Variants in JAKMIP2 observed in about 807,000 individuals in gnomAD.
The protein encoded by JAKMIP2 is janus kinase and microtubule interacting protein 2, also known as janus kinase and microtubule-interacting protein 2.
JAKMIP2 carries 25 observed loss-of-function variants against 115.0 expected under a neutral mutation model. The observed-to-expected ratio is 0.22, with a 90% CI of 0.16 to 0.30. The LOEUF is 0.30. JAKMIP2 is among the 10% of genes least tolerant of loss of function. The pLI is 1.00. For synonymous variants in JAKMIP2, 334 were observed against 343.6 expected (o/e 0.97, Z 0.31); for missense variants, 642 against 957.6 (o/e 0.67, Z 4.35).
At position 147,721,506 on chromosome 5, in the gene JAKMIP2, G is replaced by A. The variant is rs1290778085; in HGVS notation, c.-148-49552C>T. ...CTGTGCTAGCAATCAGCGAGACTCCGTGGGCGTAGGACCCTCCGAGCCAGG... is the reference window on the plus strand; with the variant it reads ...CTGTGCTAGCAATCAGCGAGACTCCATGGGCGTAGGACCCTCCGAGCCAGG... On this transcript the variant is annotated intron_variant, in intron 1 of 21. Coordinates refer to ENST00000616793, the MANE Select transcript of JAKMIP2 (RefSeq NM_001270941.2). Among the ~76,000 whole-genome samples the A allele has an allele frequency of 1.2e-4, 18 of 152,254 alleles. 1 individual carries two copies. The highest frequency in any genetic ancestry group is 5.9e-4 in the Admixed American group (9 of 15,294).
At chr5:147,776,498 C>T (rs1006089940) in intron 1 of JAKMIP2, among the ~76,000 whole-genome samples, 5 of 152,200 alleles carry the variant, frequency 3.3e-5, no homozygotes, top group African/African-American at 1.2e-4. Flanking sequence ...TCAATTAAAC[C>T]TCTTTCCTTT....
chr5:147,612,291 G>A lies in JAKMIP2; in HGVS notation c.2412+15C>T, dbSNP rs750605806. 1.4e-6 allele frequency: 2 copies of A among 1,457,566 alleles called. No homozygotes were observed. Among genetic ancestry groups the A allele is most frequent in the South Asian group, 2.3e-5 (2 of 86,644 alleles). The allele number at this position is 1,457,566 out of a possible 1,614,324, so 90.3% of individuals were successfully genotyped here. The stretch of plus-strand genomic sequence containing the variant: ...TTAAACAAATAATAAGATAGTTATT[G>A]AATTTGACACCTACCTTTTCTTCTA... On this transcript the variant is annotated intron_variant, in intron 20 of 21. Coordinates refer to ENST00000616793, the MANE Select transcript of JAKMIP2 (RefSeq NM_001270941.2).
At position 147,745,413 on chromosome 5, in the gene JAKMIP2, T is replaced by C. The variant is rs139486508; in HGVS notation, c.-149+37043A>G. Among the ~76,000 whole-genome samples, 20 of 152,312 alleles carry C rather than the reference T, an allele frequency of 1.3e-4. No homozygotes were observed. In the East Asian group the frequency reaches 3.9e-3, roughly 29 times the overall value. ...ACAGAGAATGCCAACAGTAACAAAATCTTGACTTGCTATCTCTGTATCATC... is the reference window on the plus strand; with the variant it reads ...ACAGAGAATGCCAACAGTAACAAAACCTTGACTTGCTATCTCTGTATCATC... On this transcript the variant is annotated intron_variant, in intron 1 of 21. Coordinates refer to ENST00000616793, the MANE Select transcript of JAKMIP2 (RefSeq NM_001270941.2).
chr5:147,672,030 T>C (rs1011134036), intron 1 of JAKMIP2, 76 bp from the exon 2 acceptor site: 7 of 1,078,292 alleles, frequency 6.5e-6, no homozygotes, highest in Non-Finnish European at 8.1e-6. Flanking sequence ...ACTCTCAGCC[T>C]GAGTTACCTG....
At chr5:147,717,675 GT>G (rs1753068317) in intron 1 of JAKMIP2, among the ~76,000 whole-genome samples, 1 of 151,194 alleles carries the variant, frequency 6.6e-6, no homozygotes, top group Non-Finnish European at 1.5e-5. Flanking sequence ...AAGAATGCTT[GT>G]GATTTTTGTA....
intron 2 of JAKMIP2, among the ~76,000 whole-genome samples, chr5:147,666,419 T>C (rs926950405): frequency 8.5e-5 from 13 of 152,218 alleles, no homozygotes; most frequent in African/African-American, 2.7e-4. Flanking sequence ...TTTTGATACA[T>C]GGAGATGTTT....
intron 1 of JAKMIP2, among the ~76,000 whole-genome samples, chr5:147,751,553 C>G (rs1245864615): frequency 7.9e-6 from 1 of 127,022 alleles, no homozygotes; most frequent in Non-Finnish European, 1.6e-5. Context: ...TGTAAAGTGT[C>G]TTTATTAGGA....
At chr5:147,737,279 A>G (rs865923200) in intron 1 of JAKMIP2, among the ~76,000 whole-genome samples, 1 of 152,226 alleles carries the variant, frequency 6.6e-6, no homozygotes, top group Middle Eastern at 3.2e-3. Flanking sequence ...ATAAATCAAG[A>G]CTATAAATAA....
At chr5:147,707,479 C>G (rs577129705) in intron 1 of JAKMIP2, among the ~76,000 whole-genome samples, 2 of 152,236 alleles carry the variant, frequency 1.3e-5, no homozygotes, top group South Asian at 4.2e-4. Flanking sequence ...ACACCACACT[C>G]TGGGAAATAC....
intron 1 of JAKMIP2, among the ~76,000 whole-genome samples, chr5:147,694,727 A>T (rs1258739173): frequency 1.3e-5 from 2 of 152,028 alleles, no homozygotes; most frequent in Non-Finnish European, 2.9e-5. Context: ...TTTCAGATTC[A>T]CTCTTCTTTG....
Position 147,589,056 on chromosome 5 carries a change from T to C in JAKMIP2, c.*2651A>G, listed in dbSNP as rs1358283459. ...ATTTTCTGACTCAAGTTGGCTAGTG[T>C]TGGGTCACCAACACTGTAGAGGCAC... On this transcript the variant is annotated 3_prime_UTR_variant, in exon 22 of 22. Transcript: ENST00000616793. 2 of 152,116 alleles carry C rather than the reference T, an allele frequency of 1.3e-5. No individual in the cohort carries two copies. Among genetic ancestry groups the C allele is most frequent in the African/African-American group, 2.4e-5 (1 of 41,428 alleles). The allele number at this position is 152,116 out of a possible 1,614,324, so 9.4% of individuals were successfully genotyped here. A position where few individuals can be genotyped will look rare whatever the true frequency, so the allele number is the denominator to read the frequency against.
At chr5:147,728,694 A>G (rs1374278332) in intron 1 of JAKMIP2, among the ~76,000 whole-genome samples, 4 of 152,236 alleles carry the variant, frequency 2.6e-5, no homozygotes, top group African/African-American at 7.2e-5. Context: ...TGACTTAAAT[A>G]ATCTTTGGGA....
Position 147,586,124 on chromosome 5 carries a change from A to T in JAKMIP2, c.*5583T>A, listed in dbSNP as rs1425802597. ...AGGTGGGGTAAGGGAGAGAAGAGGT[A>T]GTCAAGGATGGGAAGAGTTCAAACA... On this transcript the variant is annotated 3_prime_UTR_variant, in exon 22 of 22. Transcript: ENST00000616793. 2 of 152,268 alleles carry T rather than the reference A, an allele frequency of 1.3e-5. No homozygotes were observed. Among genetic ancestry groups the T allele is most frequent in the African/African-American group, 4.8e-5 (2 of 41,566 alleles). 9.4% of individuals were successfully genotyped at this position (152,268 alleles called of 1,614,324 possible).
chr5:147,623,738 T>G (rs754272200), intron 16 of JAKMIP2, 49 bp from the exon 17 acceptor site: 1 of 1,161,124 alleles, frequency 8.6e-7, no homozygotes, highest in Admixed American at 1.7e-5. Context: ...CTTGATATGG[T>G]GTATATCTGT....
At chr5:147,773,426 T>C (rs752797804) in intron 1 of JAKMIP2, among the ~76,000 whole-genome samples, 3 of 150,854 alleles carry the variant, frequency 2.0e-5, no homozygotes, top group Admixed American at 1.3e-4. Context: ...AAGAGGATTA[T>C]ACAAAATAAA....
chr5:147,700,131 G>A (rs1752265533), intron 1 of JAKMIP2, among the ~76,000 whole-genome samples: 2 of 152,262 alleles, frequency 1.3e-5, no homozygotes, highest in South Asian at 4.2e-4. Flanking sequence ...AAAGTTCATG[G>A]AGTGGAGGGA....
At chr5:147,695,656 G>A (rs1239532803) in intron 1 of JAKMIP2, among the ~76,000 whole-genome samples, 1 of 141,140 alleles carries the variant, frequency 7.1e-6, no homozygotes, top group Non-Finnish European at 1.5e-5. Flanking sequence ...AGGTCTGTGT[G>A]TGTGTGTGTG....
intron 1 of JAKMIP2, among the ~76,000 whole-genome samples, chr5:147,695,830 A>G (rs1752084360): frequency 6.6e-6 from 1 of 152,080 alleles, no homozygotes; most frequent in Non-Finnish European, 1.5e-5. Flanking sequence ...TTAGACTGAG[A>G]CCTAAGTTAT....
At chr5:147,713,681 G>A (rs1752864126) in intron 1 of JAKMIP2, among the ~76,000 whole-genome samples, 1 of 152,160 alleles carries the variant, frequency 6.6e-6, no homozygotes. Context: ...GGAGACCACA[G>A]CCAAGAACAT....
Sources: allele counts gnomAD v4.1 joint callset (sites outside exome capture counted in the v4.1 genomes callset), GRCh38; gene constraint gnomAD v4.1.1; transcripts MANE v1.5; gene names NCBI Gene and HGNC (gene_info 2026-07-23, HGNC 2026-07-21).